Variants in FRMD4B observed in about 807,000 individuals in gnomAD.
FRMD4B encodes FERM domain containing 4B.
In FRMD4B, 74 loss-of-function variants were observed where a neutral mutation model predicts 141.5. That is an observed-to-expected ratio of 0.52 (90% CI 0.43 to 0.63). The LOEUF (loss-of-function observed/expected upper bound fraction) is 0.63, where lower values mean the gene tolerates loss of function less well. Among genes scored for constraint, FRMD4B ranks in the 30% least tolerant of loss-of-function variants. The probability of loss-of-function intolerance (pLI) is 0.00; values close to 1 mark genes in which losing one functional copy is unlikely to be tolerated. For synonymous variants in FRMD4B, 506 were observed against 467.9 expected (o/e 1.08, Z -1.05); for missense variants, 1,366 against 1,253.4 (o/e 1.09, Z -1.36).
chr3:69,501,718 T>G (rs1458692962), intron 1 of FRMD4B, among the ~76,000 whole-genome samples: 1 of 152,060 alleles, frequency 6.6e-6, no homozygotes, highest in African/African-American at 2.4e-5. Flanking sequence ...GGGTATTCAA[T>G]TAGGAAAAGA....
At chr3:69,229,020 T>TG (rs1308433774) in intron 7 of FRMD4B, among the ~76,000 whole-genome samples, 18 of 148,662 alleles carry the variant, frequency 1.2e-4, no homozygotes, top group Non-Finnish European at 1.8e-4. Context: ...ATCATGTTTT[T>TG]TTTTTTTTTT....
chr3:69,237,890 T>C (rs1031796159), intron 7 of FRMD4B, among the ~76,000 whole-genome samples: 8 of 152,094 alleles, frequency 5.3e-5, no homozygotes, highest in Admixed American at 5.2e-4. Flanking sequence ...ACCACCATGC[T>C]CGGCTCATTT....
intron 1 of FRMD4B, among the ~76,000 whole-genome samples, chr3:69,345,013 G>A (rs981885102): frequency 2.0e-5 from 3 of 152,198 alleles, no homozygotes; most frequent in South Asian, 2.1e-4. Context: ...GCAGCCCACC[G>A]AGAGTGAGCT....
chr3:69,214,071 G>A (rs1349679998), intron 11 of FRMD4B, among the ~76,000 whole-genome samples: 2 of 152,006 alleles, frequency 1.3e-5, no homozygotes, highest in Admixed American at 6.6e-5. Context: ...GAGGGGATAT[G>A]GCTTTCCCTA....
At chr3:69,221,784 C>T (rs1221666390) in intron 9 of FRMD4B, 74 bp downstream of exon 9, 3 of 791,288 alleles carry the variant, frequency 3.8e-6, no homozygotes, top group African/African-American at 3.4e-5. Context: ...AACTACACAA[C>T]AGAAATCATT....
At chr3:69,459,332 G>C (rs1276954576) in intron 1 of FRMD4B, among the ~76,000 whole-genome samples, 2 of 152,136 alleles carry the variant, frequency 1.3e-5, no homozygotes, top group African/African-American at 2.4e-5. Context: ...GGCTGAAATA[G>C]CTGGTAATAG....
chr3:69,530,952 G>A (rs535672430), intron 1 of FRMD4B, among the ~76,000 whole-genome samples: 27 of 152,202 alleles, frequency 1.8e-4, no homozygotes, highest in South Asian at 1.5e-3. Context: ...TAAAGCAACC[G>A]GACAGACAGA....
chr3:69,279,965 T>C (rs1254307148), intron 5 of FRMD4B, among the ~76,000 whole-genome samples: 1 of 152,162 alleles, frequency 6.6e-6, no homozygotes, highest in African/African-American at 2.4e-5. Flanking sequence ...AATACTATTT[T>C]AATTTGCCAA....
intron 21 of FRMD4B, among the ~76,000 whole-genome samples, chr3:69,178,186 T>C (rs1028152455): frequency 6.6e-6 from 1 of 152,222 alleles, no homozygotes; most frequent in Admixed American, 6.5e-5. Context: ...CCATTTCCTG[T>C]TTCTGGCTTC....
At chr3:69,198,971 A>G (rs2107662842) in intron 11 of FRMD4B, 197 bp from the exon 12 acceptor site, 1 of 570,404 alleles carries the variant, frequency 1.8e-6, no homozygotes, top group South Asian at 2.1e-5. Flanking sequence ...GCAATCTTTA[A>G]CTATTAAGAT....
In FRMD4B at chr3:69,233,861, TTGTC is replaced by T. The variant is rs376401012; in HGVS notation, c.582-9175_582-9172del. 4.0e-3 allele frequency among the ~76,000 whole-genome samples: 602 copies of T among 152,284 alleles called. 8 individuals carry two copies. The highest frequency in any genetic ancestry group is 0.012 in the African/African-American group (500 of 41,574). The stretch of plus-strand genomic sequence containing the variant: ...TAGGCCTTGATGAGAAGTCATTTCT[TTGTC>T]TGTGCTTACTAGAAACCTGTGATGA... On this transcript the variant is annotated intron_variant, in intron 7 of 22. Transcript: ENST00000398540.
chr3:69,519,394 C>G (rs189083046), intron 1 of FRMD4B, among the ~76,000 whole-genome samples: 152 of 151,962 alleles, frequency 1.0e-3, no homozygotes, highest in Non-Finnish European at 1.1e-3. Flanking sequence ...GCAGCAGCAT[C>G]TGTGTGTGTG....
chr3:69,340,453 AC>A (rs1702701020), intron 1 of FRMD4B, among the ~76,000 whole-genome samples: 1 of 152,198 alleles, frequency 6.6e-6, no homozygotes, highest in South Asian at 2.1e-4. Context: ...GATAATGGCC[AC>A]CAGCTCCATT....
chr3:69,518,543 C>T (rs1171896411), intron 1 of FRMD4B, among the ~76,000 whole-genome samples: 1 of 152,154 alleles, frequency 6.6e-6, no homozygotes, highest in African/African-American at 2.4e-5. Flanking sequence ...TGACAGTATT[C>T]TATTTCTACT....
chr3:69,435,528 A>G (rs1705246637), intron 1 of FRMD4B, among the ~76,000 whole-genome samples: 1 of 152,214 alleles, frequency 6.6e-6, no homozygotes, highest in Admixed American at 6.5e-5. Context: ...TTGATTGTCT[A>G]TGGCTGTTAG....
At chr3:69,483,690 G>A (rs540511974) in intron 1 of FRMD4B, among the ~76,000 whole-genome samples, 84 of 152,072 alleles carry the variant, frequency 5.5e-4, no homozygotes, top group Non-Finnish European at 9.0e-4. Context: ...AAATTGTTAC[G>A]GATCTCTTCG....
At position 69,187,274 on chromosome 3, in the gene FRMD4B, G is replaced by A. The variant is rs538359593; in HGVS notation, c.1919+496C>T. Among the ~76,000 whole-genome samples, 38 of 151,966 alleles carry A rather than the reference G, an allele frequency of 2.5e-4. 1 individual carries two copies. The highest frequency in any genetic ancestry group is 7.7e-4 in the African/African-American group (32 of 41,454). On this transcript the variant is annotated intron_variant, in intron 19 of 22. Transcript: ENST00000398540. Reference sequence around the variant, plus strand: ...CTTAAAAACATTTTCAGCCAGGCACGGTGGCTCAAACTTGTAATCCCAGCA... The same window carrying A: ...CTTAAAAACATTTTCAGCCAGGCACAGTGGCTCAAACTTGTAATCCCAGCA...
chr3:69,198,830 A>G lies in FRMD4B; in HGVS notation c.877-56T>C. The G allele has an allele frequency of 9.6e-6, 8 of 829,798 alleles. 1 individual carries two copies. Among genetic ancestry groups the G allele is most frequent in the Non-Finnish European group, 1.6e-5 (8 of 492,950 alleles). The allele number at this position is 829,798 out of a possible 1,614,324, so 51.4% of individuals were successfully genotyped here. The stretch of plus-strand genomic sequence containing the variant: ...ATTTATGCTTATTTTTACTAATTCT[A>G]TAAATCAGCTTAATAATCAAACAAT... On this transcript the variant is annotated intron_variant, in intron 11 of 22. Transcript: ENST00000398540.
intron 2 of FRMD4B, among the ~76,000 whole-genome samples, chr3:69,424,846 A>G (rs1705050653): frequency 6.6e-6 from 1 of 152,246 alleles, no homozygotes; most frequent in South Asian, 2.1e-4. Context: ...AGGCAAAGCT[A>G]AAATAATGAA....
Sources: allele counts gnomAD v4.1 joint callset (sites outside exome capture counted in the v4.1 genomes callset), GRCh38; gene constraint gnomAD v4.1.1; transcripts MANE v1.5; gene names NCBI Gene and HGNC (gene_info 2026-07-23, HGNC 2026-07-21).